UNC79: variants seen among roughly 807,000 people sequenced by gnomAD.
UNC79 encodes protein unc-79 homolog.
A neutral mutation model predicts 283.1 loss-of-function variants in UNC79; 37 were observed. The observed-to-expected ratio is 0.13, with a 90% confidence interval of 0.10 to 0.17. The LOEUF (loss-of-function observed/expected upper bound fraction) is 0.17, where lower values mean the gene tolerates loss of function less well. UNC79 is among the 10% of genes least tolerant of loss of function. The pLI is 1.00. For synonymous variants in UNC79, 1,107 were observed against 1,200.2 expected, an observed-to-expected ratio of 0.92 and a Z score of 1.61; for missense variants, 2,272 against 3,211.1, an observed-to-expected ratio of 0.71 and a Z score of 7.07.
intron 42 of UNC79, 109 bp downstream of exon 45, chr14:93,682,803 T>C: frequency 9.8e-7 from 1 of 1,019,806 alleles, no homozygotes; most frequent in Admixed American, 2.4e-5. Context: ...ATTTACTAGC[T>C]ATGTGACTTT....
intron 1 of UNC79, among the ~76,000 whole-genome samples, chr14:93,422,547 AG>A (rs975400252): frequency 6.6e-6 from 1 of 152,112 alleles, no homozygotes; most frequent in African/African-American, 2.4e-5. Context: ...CCAGTTTTTC[AG>A]GTTAACTTTG....
chr14:93,599,996 T>C (rs1202550252), intron 24 of UNC79, among the ~76,000 whole-genome samples: 2 of 151,670 alleles, frequency 1.3e-5, no homozygotes, highest in Non-Finnish European at 2.9e-5. Context: ...GGTCAGGAGA[T>C]CGAGACCATC....
intron 1 of UNC79, among the ~76,000 whole-genome samples, chr14:93,433,673 C>T (rs916462442): frequency 2.6e-5 from 4 of 152,034 alleles, no homozygotes; most frequent in Admixed American, 2.0e-4. Flanking sequence ...GAGAATTAGG[C>T]TTAATATAAT....
chr14:93,474,478 A>C lies in UNC79; in HGVS notation c.448+85A>C. Reference sequence around the variant, plus strand: ...CTGAGCAAGGGGCTTGGAGATGGTCACTGTTGTAATCAATCACCTGAAAGG... The same window carrying C: ...CTGAGCAAGGGGCTTGGAGATGGTCCCTGTTGTAATCAATCACCTGAAAGG... On this transcript the variant is annotated intron_variant, in intron 3 of 48. Coordinates refer to ENST00000555664, the Ensembl canonical transcript of UNC79. The surrounding 1 kb of genome is among the most constrained non-coding windows in gnomAD (Gnocchi z 4.1). The C allele has an allele frequency of 7.0e-7, 1 of 1,431,614 alleles. No individual in the cohort carries two copies. The highest frequency in any genetic ancestry group is 9.3e-7 in the Non-Finnish European group (1 of 1,077,292). The allele number at this position is 1,431,614 out of a possible 1,614,324, so 88.7% of individuals were successfully genotyped here. A position where few individuals can be genotyped will look rare whatever the true frequency, so the allele number is the denominator to read the frequency against.
chr14:93,588,863 G>A (rs907394101), intron 22 of UNC79, among the ~76,000 whole-genome samples: 6 of 151,900 alleles, frequency 3.9e-5, no homozygotes, highest in Non-Finnish European at 8.8e-5. Context: ...GAGAGTGTGC[G>A]ATCAAGAACA....
intron 3 of UNC79, among the ~76,000 whole-genome samples, chr14:93,475,748 C>T (rs755784286): frequency 6.6e-6 from 1 of 152,104 alleles, no homozygotes; most frequent in Non-Finnish European, 1.5e-5. Context: ...GGGAGCTGCC[C>T]GTTATCTTCA....
intron 7 of UNC79, among the ~76,000 whole-genome samples, chr14:93,520,807 T>A (rs1200432691): frequency 6.6e-6 from 1 of 152,078 alleles, no homozygotes; most frequent in African/African-American, 2.4e-5. Context: ...CCTATCTTCA[T>A]GCTTTCCTTT....
intron 1 of UNC79, among the ~76,000 whole-genome samples, chr14:93,384,455 G>A (rs148067816): frequency 4.1e-4 from 62 of 152,262 alleles, no homozygotes; most frequent in African/African-American, 1.4e-3. Context: ...GATCAGTGAC[G>A]TTGAGCACCT....
chr14:93,358,716 C>G (rs1176012704), intron 1 of UNC79, among the ~76,000 whole-genome samples: 2 of 152,168 alleles, frequency 1.3e-5, no homozygotes, highest in African/African-American at 4.8e-5. Context: ...GGCAACATCC[C>G]CTCCCTGATC....
chr14:93,611,791 A>C (rs1241440877), intron 26 of UNC79, among the ~76,000 whole-genome samples: 2 of 152,156 alleles, frequency 1.3e-5, no homozygotes, highest in Non-Finnish European at 2.9e-5. Flanking sequence ...GTGCTGATCT[A>C]ACCCACCAGA....
At chr14:93,693,147 T>C (rs2074832906) in intron 46 of UNC79, among the ~76,000 whole-genome samples, 1 of 152,250 alleles carries the variant, frequency 6.6e-6, no homozygotes, top group South Asian at 2.1e-4. Flanking sequence ...CAGGCAATTC[T>C]ATGTGTAGAG....
intron 1 of UNC79, among the ~76,000 whole-genome samples, chr14:93,357,695 A>G (rs1352746583): frequency 1.5e-4 from 18 of 116,448 alleles, no homozygotes; most frequent in African/African-American, 5.8e-4. Flanking sequence ...ATATATATAT[A>G]TATATATATA....
chr14:93,558,294 C>T (rs1448601023), intron 14 of UNC79, among the ~76,000 whole-genome samples: 2 of 152,168 alleles, frequency 1.3e-5, no homozygotes, highest in African/African-American at 2.4e-5. Flanking sequence ...CGGTGGCTCA[C>T]GCCTGTAATC....
intron 20 of UNC79, among the ~76,000 whole-genome samples, chr14:93,584,557 T>A (rs1391542246): frequency 6.6e-6 from 1 of 152,240 alleles, no homozygotes; most frequent in African/African-American, 2.4e-5. Flanking sequence ...AAGCTGGGAC[T>A]TCACTCATGA....
intron 41 of UNC79, among the ~76,000 whole-genome samples, chr14:93,679,957 A>G (rs764882580): frequency 2.6e-5 from 4 of 152,238 alleles, no homozygotes; most frequent in African/African-American, 4.8e-5. Context: ...GCCATAGAAA[A>G]CAAAGACAGA....
intron 37 of UNC79, among the ~76,000 whole-genome samples, chr14:93,654,586 TTAACA>T (rs1377428859): frequency 6.6e-6 from 1 of 150,448 alleles, no homozygotes; most frequent in Non-Finnish European, 1.5e-5. Flanking sequence ...ATTTTAAAAA[TTAACA>T]TAATTTAAAT....
At chr14:93,658,373 G>A (rs1392220114) in intron 38 of UNC79, among the ~76,000 whole-genome samples, 1 of 152,148 alleles carries the variant, frequency 6.6e-6, no homozygotes, top group African/African-American at 2.4e-5. Flanking sequence ...TTTGCATTCT[G>A]GCACATTTCT....
chr14:93,637,426 A>G lies in UNC79; in HGVS notation c.5800+127A>G, dbSNP rs1240340179. 5 of 1,469,264 alleles carry G rather than the reference A, an allele frequency of 3.4e-6. No individual in the cohort carries two copies. In the East Asian group the frequency reaches 9.8e-5, roughly 29 times the overall value. 91.0% of individuals were successfully genotyped at this position (1,469,264 alleles called of 1,614,324 possible). A position where few individuals can be genotyped will look rare whatever the true frequency, so the allele number is the denominator to read the frequency against. ...ATGGAGTGGGGATGACCTTTGCCCA[A>G]ACACCCCCAGTGGCTGAGAGTGCGT... On this transcript the variant is annotated intron_variant, in intron 32 of 48. Coordinates refer to ENST00000555664, the Ensembl canonical transcript of UNC79.
At chr14:93,442,600 G>A (rs1416101012) in intron 1 of UNC79, among the ~76,000 whole-genome samples, 1 of 152,118 alleles carries the variant, frequency 6.6e-6, no homozygotes, top group Non-Finnish European at 1.5e-5. Context: ...ATAAGTACAA[G>A]CATTTGACTA....
Sources: gnomAD v4.1 joint callset for allele counts (sites outside exome capture counted in the v4.1 genomes callset) on GRCh38, gnomAD v4.1.1 for gene constraint, Gnocchi (gnomAD v3.1) non-coding constraint, MANE v1.5 for transcripts, NCBI Gene and HGNC (gene_info 2026-07-23, HGNC 2026-07-21) for gene names.